The following TENM2 variants were observed in gnomAD, a reference collection of about 807,000 sequenced individuals.
TENM2 encodes teneurin transmembrane protein 2.
TENM2 carries 52 observed loss-of-function variants against 245.2 expected under a neutral mutation model. The observed-to-expected ratio is 0.21, with a 90% CI of 0.17 to 0.27. TENM2 has a LOEUF of 0.27. Ranked by LOEUF, TENM2 falls within the 10% of genes least tolerant of loss-of-function variation. TENM2 has a pLI of 1.00. For missense variants in TENM2, 3,046 were observed against 3,666.8 expected, an observed-to-expected ratio of 0.83 and a Z score of 4.37; for synonymous variants, 1,363 against 1,438.9, an observed-to-expected ratio of 0.95 and a Z score of 1.19.
chr5:167,218,808 G>A, the TENM2 span, among the ~76,000 whole-genome samples: 6 of 152,128 alleles, frequency 3.9e-5, no homozygotes, highest in Non-Finnish European at 8.8e-5. Flanking sequence ...CAAAACAAGG[G>A]TATCGTTTTC....
chr5:167,451,645 A>G (rs1298442216), intron 2 of TENM2, among the ~76,000 whole-genome samples: 1 of 145,718 alleles, frequency 6.9e-6, no homozygotes, highest in East Asian at 2.1e-4. Context: ...CCCTATAGCA[A>G]CTGATTTTTT....
At chr5:167,018,070 C>T in the TENM2 span, among the ~76,000 whole-genome samples, 4 of 152,254 alleles carry the variant, frequency 2.6e-5, no homozygotes, top group East Asian at 7.7e-4. Flanking sequence ...TAATCTTCTT[C>T]ATAATGTATT....
At chr5:167,135,053 G>A in the TENM2 span, among the ~76,000 whole-genome samples, 22 of 152,168 alleles carry the variant, frequency 1.4e-4, no homozygotes, top group African/African-American at 7.2e-5. Context: ...GTACATTATC[G>A]TCATCAGAGC....
intron 2 of TENM2, among the ~76,000 whole-genome samples, chr5:167,525,574 C>T: frequency 6.6e-6 from 1 of 152,124 alleles, no homozygotes; most frequent in Non-Finnish European, 1.5e-5. Flanking sequence ...ACATGGTTGA[C>T]TTCTCTTTAT....
At position 168,262,004 on chromosome 5, in the gene TENM2, G is replaced by A. The variant is rs563742195; in HGVS notation, c.7564-45G>A. 5 of 1,582,558 alleles carry A rather than the reference G, an allele frequency of 3.2e-6. No individual in the cohort carries two copies. In the Admixed American group the frequency reaches 7.0e-5, roughly 22 times the overall value. On this transcript the variant is annotated intron_variant, in intron 28 of 28. Transcript: ENST00000518659. ...CTTTGTGACTCTTTTTGAGAGAGCT[G>A]CCCAGCTCATCTTCTCAGCTTTCTC...
At chr5:167,103,909 C>T in the TENM2 span, among the ~76,000 whole-genome samples, 1 of 152,132 alleles carries the variant, frequency 6.6e-6, no homozygotes, top group Non-Finnish European at 1.5e-5. Context: ...TGCGCACACA[C>T]ACACACTTCT....
chr5:167,451,727 C>G (rs1411811366), intron 2 of TENM2, among the ~76,000 whole-genome samples: 1 of 152,020 alleles, frequency 6.6e-6, no homozygotes, highest in Non-Finnish European at 1.5e-5. Flanking sequence ...GGGCTCACTG[C>G]AAGCTCCGCC....
the TENM2 span, among the ~76,000 whole-genome samples, chr5:167,124,598 C>G: frequency 2.0e-4 from 30 of 152,192 alleles, no homozygotes; most frequent in East Asian, 4.3e-3. Flanking sequence ...TCGCTCTTTC[C>G]TTTGGTAAAA....
intron 4 of TENM2, among the ~76,000 whole-genome samples, chr5:167,990,719 T>G (rs552747952): frequency 6.6e-6 from 1 of 152,334 alleles, no homozygotes; most frequent in African/African-American, 2.4e-5. Flanking sequence ...GGAATCAAAC[T>G]TCTAGGCTTT....
chr5:167,636,936 G>T (rs1779241961), intron 2 of TENM2, among the ~76,000 whole-genome samples: 1 of 152,154 alleles, frequency 6.6e-6, no homozygotes, highest in Non-Finnish European at 1.5e-5. Context: ...GTCACAGTGT[G>T]GGAGCTAAGA....
rs1380625732 is a variant in TENM2, at chr5:168,129,566, A to G, written c.2422+2600A>G. 4 of 152,194 alleles carry G rather than the reference A, an allele frequency of 2.6e-5. No individual in the cohort carries two copies. The East Asian group carries it at 7.7e-4, about 29-fold the overall frequency. The allele number at this position is 152,194 out of a possible 1,614,324, so 9.4% of individuals were successfully genotyped here. On this transcript the variant is annotated intron_variant, in intron 12 of 28. Transcript: ENST00000518659. ...AGTAGGACATGTGCCATCTCCTCAT[A>G]GTTATGTTCACTGTGGTTTTCTCAA...
intron 2 of TENM2, among the ~76,000 whole-genome samples, chr5:167,390,433 C>A (rs1257870319): frequency 6.6e-6 from 1 of 152,080 alleles, no homozygotes; most frequent in African/African-American, 2.4e-5. Flanking sequence ...GAGACAGAAT[C>A]GAGTAAATTA....
At position 167,582,663 on chromosome 5, in the gene TENM2, A is replaced by T. The variant is rs149703227; in HGVS notation, c.502+207190A>T. Among the ~76,000 whole-genome samples, 1,217 of 152,362 alleles carry T rather than the reference A, an allele frequency of 8.0e-3. 21 individuals are homozygous for T. Among genetic ancestry groups the T allele is most frequent in the African/African-American group, 0.028 (1,164 of 41,586 alleles). On this transcript the variant is annotated intron_variant, in intron 2 of 28. Transcript: ENST00000518659. The stretch of plus-strand genomic sequence containing the variant: ...GTTTTAAGCAAATTTCAGATAAATG[A>T]ACATTTACATGGCACGAACCTTTAC...
intron 2 of TENM2, among the ~76,000 whole-genome samples, chr5:167,537,836 A>G (rs1422988302): frequency 1.3e-5 from 2 of 152,256 alleles, no homozygotes; most frequent in East Asian, 3.8e-4. Flanking sequence ...ATTAAGGAGT[A>G]GGATGCCTGT....
the TENM2 span, among the ~76,000 whole-genome samples, chr5:167,108,307 G>A: frequency 1.3e-5 from 2 of 152,068 alleles, no homozygotes; most frequent in South Asian, 2.1e-4. Context: ...TGTATTTTTA[G>A]TAGAGATGGG....
intron 3 of TENM2, among the ~76,000 whole-genome samples, chr5:167,934,662 C>T (rs925920629): frequency 2.0e-5 from 3 of 152,200 alleles, no homozygotes; most frequent in African/African-American, 7.2e-5. Context: ...ATTAACCAGA[C>T]TGGCAGTGTG....
intron 2 of TENM2, among the ~76,000 whole-genome samples, chr5:167,822,305 A>G (rs141034991): frequency 2.3e-3 from 349 of 152,268 alleles, no homozygotes; most frequent in Middle Eastern, 6.8e-3. Flanking sequence ...ACCTGTTTTA[A>G]ACATGCAAAA....
At chr5:167,061,898 A>G in the TENM2 span, among the ~76,000 whole-genome samples, 1 of 151,314 alleles carries the variant, frequency 6.6e-6, no homozygotes, top group Non-Finnish European at 1.5e-5. Context: ...CTGTCAAGAT[A>G]ATGAACAGCT....
chr5:167,353,661 C>A (rs1395072259), intron 1 of TENM2, among the ~76,000 whole-genome samples: 2 of 151,458 alleles, frequency 1.3e-5, no homozygotes, highest in Non-Finnish European at 3.0e-5. Context: ...GCGCCCGCCA[C>A]TACGCCCGGC....
Sources: gnomAD v4.1 joint callset for allele counts (sites outside exome capture counted in the v4.1 genomes callset) on GRCh38, gnomAD v4.1.1 for gene constraint, MANE v1.5 for transcripts, NCBI Gene and HGNC (gene_info 2026-07-23, HGNC 2026-07-21) for gene names.